Variants in BIK observed in about 807,000 individuals in gnomAD.
BIK encodes the protein BCL2 interacting killer.
In BIK, 14 loss-of-function variants were observed where a neutral mutation model predicts 12.1. That is an observed-to-expected ratio of 1.16 (90% CI 0.77 to 1.81). The LOEUF (loss-of-function observed/expected upper bound fraction) is 1.81. Among genes scored for constraint, BIK ranks in the 40% most tolerant of loss-of-function variants. The probability of loss-of-function intolerance (pLI) is 0.00; values close to 1 mark genes in which losing one functional copy is unlikely to be tolerated. For synonymous variants in BIK, 86 were observed against 92.3 expected (o/e 0.93, Z 0.39); for missense variants, 215 against 207.9 (o/e 1.03, Z -0.21).
In BIK at chr22:43,122,417, G is replaced by A. The variant is rs540209905; in HGVS notation, c.-7-1599G>A. The stretch of plus-strand genomic sequence containing the variant: ...AGTTCCTTATTTCGTCTTCCCAATA[G>A]CCCAGGGCGGGGCTCTCAGACCATG... On this transcript the variant is annotated intron_variant, in intron 1 of 4. Transcript: ENST00000216115. Among the ~76,000 whole-genome samples the A allele has an allele frequency of 2.6e-5, 4 of 152,288 alleles. No homozygotes were observed. The South Asian group carries it at 8.3e-4, about 32-fold the overall frequency.
intron 1 of BIK, among the ~76,000 whole-genome samples, chr22:43,115,263 C>T (rs1930088549): frequency 6.6e-6 from 1 of 152,008 alleles, no homozygotes; most frequent in South Asian, 2.1e-4. Context: ...AGCAGTGAGT[C>T]CCCCGTGCCT....
chr22:43,118,076 C>T (rs901799433), intron 1 of BIK, among the ~76,000 whole-genome samples: 7 of 152,134 alleles, frequency 4.6e-5, no homozygotes, highest in Admixed American at 1.3e-4. Context: ...GCGACGTGCC[C>T]GCCTCGGCCT....
intron 2 of BIK, among the ~76,000 whole-genome samples, chr22:43,126,029 CTTT>C (rs536702353): frequency 0.24 from 33,433 of 140,488 alleles, 4,831 homozygotes; most frequent in Non-Finnish European, 0.33. Context: ...AGGACCTGCA[CTTT>C]TTTTTTTTTT....
At chr22:43,118,296 G>A (rs966451326) in intron 1 of BIK, among the ~76,000 whole-genome samples, 5 of 152,186 alleles carry the variant, frequency 3.3e-5, no homozygotes, top group Admixed American at 6.5e-5. Context: ...AGCTGTGAGT[G>A]GCCTCTGGTC....
At position 43,129,319 on chromosome 22, in the gene BIK, C is replaced by G; in HGVS notation, c.*14C>G. 1 of 1,595,940 alleles carries G rather than the reference C, an allele frequency of 6.3e-7. No individual in the cohort carries two copies. The highest frequency in any genetic ancestry group is 2.2e-5 in the East Asian group (1 of 44,770). On this transcript the variant is annotated 3_prime_UTR_variant, in exon 5 of 5. Coordinates refer to ENST00000216115, the MANE Select transcript of BIK (RefSeq NM_001197.5). ...CTGCTCAAGTGAGGCCCCGGCGGCT[C>G]AGGGCGGGGCTGGCCCCACCCCCAT... is the stretch of plus-strand genomic sequence containing the variant.
At chr22:43,119,993 A>AT (rs1467312745) in intron 1 of BIK, among the ~76,000 whole-genome samples, 1 of 152,128 alleles carries the variant, frequency 6.6e-6, no homozygotes, top group Non-Finnish European at 1.5e-5. Context: ...ATAAAATTTA[A>AT]TTTTTAAAAA....
chr22:43,127,390 G>A (rs916854988), intron 2 of BIK, among the ~76,000 whole-genome samples: 6 of 152,176 alleles, frequency 3.9e-5, no homozygotes, highest in African/African-American at 1.4e-4. Context: ...AGCACCCCCA[G>A]ACCTGCCTGT....
chr22:43,113,784 TG>T (rs1930057348), intron 1 of BIK, among the ~76,000 whole-genome samples: 1 of 152,208 alleles, frequency 6.6e-6, no homozygotes, highest in Non-Finnish European at 1.5e-5. Flanking sequence ...AGACAATTAA[TG>T]GCTTTTTGCT....
rs1239968810 is a variant in BIK, at chr22:43,119,540, C to T, written c.-7-4476C>T. Among the ~76,000 whole-genome samples the T allele has an allele frequency of 2.0e-5, 3 of 152,038 alleles. No homozygotes were observed. In the East Asian group the frequency reaches 5.8e-4, roughly 29 times the overall value. On this transcript the variant is annotated intron_variant, in intron 1 of 4. Transcript: ENST00000216115. ...CCTGTGCAATAGGTGTTACTAGTAT[C>T]TCCATTCTAATTTTTTTTTTTTCTG...
intron 1 of BIK, among the ~76,000 whole-genome samples, chr22:43,112,971 A>AGGGAGATGGATCACCTGAGGTC (rs1930039675): frequency 2.0e-5 from 3 of 152,184 alleles, no homozygotes; most frequent in Non-Finnish European, 4.4e-5. Flanking sequence ...TGGGAGGCCG[A>AGGGAGATGGATCACCTGAGGTC]GGGAGATGGA....
In BIK at chr22:43,129,238, CGCTGCT is replaced by C; in HGVS notation, c.427_432del (p.Leu143_Leu144del). On this transcript the variant is annotated inframe_deletion, in exon 5 of 5. Transcript: ENST00000216115. Reference sequence around the variant, plus strand: ...GTGTCCTGCGAACAGGTGCTGCTGGCGCTGCTGCTGCTGCTGGCGCTGCTGCTGCCG... The same window carrying C: ...GTGTCCTGCGAACAGGTGCTGCTGGCGCTGCTGCTGGCGCTGCTGCTGCCG... 6.3e-7 allele frequency: 1 copy of C among 1,585,908 alleles called. No individual in the cohort carries two copies.
At chr22:43,112,351 C>T (rs116750388) in intron 1 of BIK, among the ~76,000 whole-genome samples, 4 of 151,990 alleles carry the variant, frequency 2.6e-5, no homozygotes, top group Non-Finnish European at 4.4e-5. Context: ...GCGCCTACCA[C>T]GAGGCCCAGC....
chr22:43,126,560 T>C (rs866610501), intron 2 of BIK, among the ~76,000 whole-genome samples: 2 of 151,920 alleles, frequency 1.3e-5, no homozygotes, highest in East Asian at 3.9e-4. Flanking sequence ...ACCTCAGTAG[T>C]TTCTACCCTG....
At chr22:43,119,696 C>T (rs4988391) in intron 1 of BIK, among the ~76,000 whole-genome samples, 1,833 of 152,194 alleles carry the variant, frequency 0.012, 38 homozygotes, top group African/African-American at 0.042. Context: ...AAGGTGATGC[C>T]CGAATAGGCC....
intron 1 of BIK, among the ~76,000 whole-genome samples, chr22:43,116,684 C>T (rs1390612153): frequency 1.3e-5 from 2 of 152,060 alleles, no homozygotes; most frequent in Non-Finnish European, 2.9e-5. Context: ...GTTTCGATCT[C>T]CTGACCTCGT....
At chr22:43,117,376 CTT>C (rs563637219) in intron 1 of BIK, among the ~76,000 whole-genome samples, 2 of 123,434 alleles carry the variant, frequency 1.6e-5, no homozygotes, top group East Asian at 2.4e-4. Context: ...TTTTCTTTTT[CTT>C]TTTTTTTTTT....
intron 1 of BIK, among the ~76,000 whole-genome samples, chr22:43,123,705 T>C (rs1930259446): frequency 6.6e-6 from 1 of 152,118 alleles, no homozygotes; most frequent in Non-Finnish European, 1.5e-5. Context: ...GAGCCAAGAT[T>C]GTGCCACTGC....
chr22:43,115,523 C>T (rs1045455573), intron 1 of BIK, among the ~76,000 whole-genome samples: 1 of 152,058 alleles, frequency 6.6e-6, no homozygotes, highest in Admixed American at 6.5e-5. Context: ...AGTGCAGTGG[C>T]GCGATCTCGG....
chr22:43,128,648 C>T lies in BIK; in HGVS notation c.390+23C>T, dbSNP rs759832248. The stretch of plus-strand genomic sequence containing the variant: ...TGGGTAAGAGCCTTGAGATCCCTGA[C>T]CCTGACTTGCGCTGCGGCCAGTGGG... On this transcript the variant is annotated intron_variant, in intron 4 of 4. Coordinates refer to ENST00000216115, the MANE Select transcript of BIK (RefSeq NM_001197.5). 2.0e-5 allele frequency: 32 copies of T among 1,590,666 alleles called. No individual in the cohort carries two copies. In the Middle Eastern group the frequency reaches 1.2e-3, roughly 59 times the overall value.
Sources: gnomAD v4.1 joint callset for allele counts (sites outside exome capture counted in the v4.1 genomes callset) on GRCh38, gnomAD v4.1.1 for gene constraint, MANE v1.5 for transcripts, NCBI Gene and HGNC (gene_info 2026-07-23, HGNC 2026-07-21) for gene names.